The following CYP7B1 variants were observed in gnomAD, a reference collection of about 807,000 sequenced individuals.
CYP7B1 encodes cytochrome P450 family 7 subfamily B member 1.
CYP7B1 carries 29 observed loss-of-function variants against 42.7 expected under a neutral mutation model. The observed-to-expected ratio is 0.68, with a 90% CI of 0.51 to 0.93. The LOEUF (loss-of-function observed/expected upper bound fraction) is 0.93, where lower values mean the gene tolerates loss of function less well. Ranked by LOEUF, CYP7B1 falls within the 40% of genes least tolerant of loss-of-function variation. The probability of loss-of-function intolerance (pLI) is 0.00; values close to 1 mark genes in which losing one functional copy is unlikely to be tolerated. For synonymous variants in CYP7B1, 235 were observed against 218.2 expected, an observed-to-expected ratio of 1.08 and a Z score of -0.68; for missense variants, 655 against 600.5, an observed-to-expected ratio of 1.09 and a Z score of -0.95.
At chr8:64,629,413 A>G (rs2129630549) in intron 1 of CYP7B1, among the ~76,000 whole-genome samples, 1 of 152,292 alleles carries the variant, frequency 6.6e-6, no homozygotes, top group Admixed American at 6.5e-5. Context: ...AAAATTACGT[A>G]TTTATTAAAA....
At chr8:64,744,390 C>T (rs1807612912) in intron 1 of CYP7B1, among the ~76,000 whole-genome samples, 1 of 151,740 alleles carries the variant, frequency 6.6e-6, no homozygotes, top group Non-Finnish European at 1.5e-5. Flanking sequence ...GCCTGCCAAC[C>T]TAGTGATGGA....
chr8:64,722,281 A>G (rs746689404), intron 1 of CYP7B1, among the ~76,000 whole-genome samples: 10 of 152,222 alleles, frequency 6.6e-5, no homozygotes, highest in Admixed American at 2.6e-4. Context: ...TAAGCTGTCC[A>G]GTATGTGCTT....
intron 1 of CYP7B1, among the ~76,000 whole-genome samples, chr8:64,640,423 G>A (rs1308534662): frequency 6.6e-6 from 1 of 152,068 alleles, no homozygotes; most frequent in Non-Finnish European, 1.5e-5. Flanking sequence ...GGTAAAGAAA[G>A]CAAGGGCCTA....
At chr8:64,603,709 A>G (rs1187520362) in intron 5 of CYP7B1, among the ~76,000 whole-genome samples, 5 of 152,204 alleles carry the variant, frequency 3.3e-5, no homozygotes, top group African/African-American at 1.2e-4. Context: ...CACAGAAACT[A>G]TATGTACACT....
At chr8:64,668,431 TAC>T (rs1198190940) in intron 1 of CYP7B1, among the ~76,000 whole-genome samples, 21 of 152,130 alleles carry the variant, frequency 1.4e-4, no homozygotes, top group Non-Finnish European at 2.9e-4. Context: ...TTAGCAGGTT[TAC>T]ATATCTGTTT....
intron 2 of CYP7B1, among the ~76,000 whole-genome samples, chr8:64,619,243 A>G (rs1052976355): frequency 2.6e-5 from 4 of 152,218 alleles, no homozygotes; most frequent in African/African-American, 9.6e-5. Flanking sequence ...TTTCTTAACA[A>G]AGGAAATCTT....
chr8:64,759,363 G>A (rs974043822), intron 1 of CYP7B1, among the ~76,000 whole-genome samples: 1 of 152,104 alleles, frequency 6.6e-6, no homozygotes, highest in Non-Finnish European at 1.5e-5. Flanking sequence ...CACTTTTGTC[G>A]CTTTTAATGG....
chr8:64,763,260 C>G (rs1206502144), intron 1 of CYP7B1, among the ~76,000 whole-genome samples: 1 of 152,214 alleles, frequency 6.6e-6, no homozygotes, highest in East Asian at 1.9e-4. Context: ...GAGCTGAACA[C>G]TAGTTGCTGG....
At chr8:64,677,706 GTTT>G (rs11435388) in intron 1 of CYP7B1, among the ~76,000 whole-genome samples, 14 of 86,400 alleles carry the variant, frequency 1.6e-4, no homozygotes, top group Admixed American at 3.2e-4. Flanking sequence ...ACACTCCTTG[GTTT>G]TTTTTTTTTT....
At chr8:64,747,940 G>C (rs564577044) in intron 1 of CYP7B1, among the ~76,000 whole-genome samples, 1 of 152,204 alleles carries the variant, frequency 6.6e-6, no homozygotes, top group Admixed American at 6.5e-5. Flanking sequence ...ACTTGCAGGG[G>C]AGGAACTAAG....
intron 2 of CYP7B1, among the ~76,000 whole-genome samples, chr8:64,624,193 T>A (rs1032675491): frequency 3.9e-5 from 6 of 152,078 alleles, no homozygotes; most frequent in Non-Finnish European, 8.8e-5. Flanking sequence ...AAAGAAGGGT[T>A]CCCTAAGTAC....
chr8:64,698,918 C>G (rs182168492), intron 1 of CYP7B1, among the ~76,000 whole-genome samples: 1 of 152,056 alleles, frequency 6.6e-6, no homozygotes, highest in Non-Finnish European at 1.5e-5. Flanking sequence ...TTTCTAGTGA[C>G]CCTAAGGTTC....
intron 1 of CYP7B1, among the ~76,000 whole-genome samples, chr8:64,718,979 A>G (rs973758861): frequency 6.6e-6 from 1 of 152,188 alleles, no homozygotes; most frequent in Non-Finnish European, 1.5e-5. Context: ...TCTAACATAT[A>G]TAGTTGTGAG....
At chr8:64,624,290 TA>T in intron 2 of CYP7B1, 112 bp downstream of exon 2, 1 of 1,060,662 alleles carries the variant, frequency 9.4e-7, no homozygotes. Context: ...CTCTACAAAA[TA>T]AAATAAAAAT....
At chr8:64,680,268 A>G (rs996293189) in intron 1 of CYP7B1, among the ~76,000 whole-genome samples, 1 of 151,754 alleles carries the variant, frequency 6.6e-6, no homozygotes, top group Non-Finnish European at 1.5e-5. Flanking sequence ...TGCTTACTTT[A>G]GTCTATCTAA....
At chr8:64,645,734 C>T (rs563319919) in intron 1 of CYP7B1, among the ~76,000 whole-genome samples, 4,220 of 152,078 alleles carry the variant, frequency 0.028, 195 homozygotes, top group African/African-American at 0.096. Flanking sequence ...GAGCCCACAT[C>T]GCCAAGCCAA....
At chr8:64,637,399 G>A (rs1173263933) in intron 1 of CYP7B1, among the ~76,000 whole-genome samples, 2 of 152,280 alleles carry the variant, frequency 1.3e-5, no homozygotes, top group East Asian at 1.9e-4. Flanking sequence ...CACAGCACAC[G>A]GTGCTGAGAA....
At chr8:64,611,969 A>G (rs1166845521) in intron 4 of CYP7B1, among the ~76,000 whole-genome samples, 5 of 152,178 alleles carry the variant, frequency 3.3e-5, no homozygotes, top group African/African-American at 1.2e-4. Flanking sequence ...TATTGAGCCT[A>G]TACCGTGTAC....
chr8:64,613,074 C>T (rs1170583162), intron 4 of CYP7B1, among the ~76,000 whole-genome samples: 1 of 152,142 alleles, frequency 6.6e-6, no homozygotes, highest in Non-Finnish European at 1.5e-5. Flanking sequence ...TTTAAATTCT[C>T]GTAATGAACA....
Sources: allele counts gnomAD v4.1 joint callset (sites outside exome capture counted in the v4.1 genomes callset), GRCh38; gene constraint gnomAD v4.1.1; transcripts MANE v1.5; gene names NCBI Gene and HGNC (gene_info 2026-07-23, HGNC 2026-07-21).